The following ALG1 variants were observed in gnomAD, a reference collection of about 807,000 sequenced individuals.
ALG1 encodes the protein ALG1 chitobiosyldiphosphodolichol beta-mannosyltransferase.
Under a neutral mutation model 55.1 loss-of-function variants are expected in ALG1, and 58 were observed. The observed-to-expected ratio is 1.05, with a 90% confidence interval of 0.85 to 1.31. The LOEUF is 1.31. Among genes scored for constraint, ALG1 ranks in the 50% most tolerant of loss-of-function variants. The pLI is 0.00. For synonymous variants in ALG1, 309 were observed against 247.0 expected (o/e 1.25, Z -2.35); for missense variants, 761 against 598.6 (o/e 1.27, Z -2.83).
chr16:5,083,192 A>G, intron 11 of ALG1, among the ~76,000 whole-genome samples: 1 of 152,158 alleles, frequency 6.6e-6, no homozygotes, highest in East Asian at 1.9e-4. Flanking sequence ...TTCTAGAAGC[A>G]GTAGCCCCAG....
At chr16:5,073,104 A>G in intron 2 of ALG1, 49 bp from the exon 3 acceptor site, 3 of 1,612,418 alleles carry the variant, frequency 1.9e-6, no homozygotes, top group Admixed American at 1.7e-5. Flanking sequence ...AAAGCCGTGC[A>G]GATTGCCAGA....
chr16:5,077,362 C>T, intron 4 of ALG1, 83 bp from the exon 5 acceptor site: 2 of 1,252,256 alleles, frequency 1.6e-6, no homozygotes, highest in South Asian at 2.4e-5. Flanking sequence ...GCGGCCTTTT[C>T]TCTGTTGAGG....
At chr16:5,072,354 G>A (rs570009925) in intron 1 of ALG1, 1 of 1,051,374 alleles carries the variant, frequency 9.5e-7, no homozygotes, top group Non-Finnish European at 1.3e-6. Context: ...TGGTAGCTAC[G>A]TCCCTGTGCA....
rs900376931 is a variant in ALG1, at chr16:5,077,640, A to G, written c.629+106A>G. Reference sequence around the variant, plus strand: ...GCCGTCCTGCTGAGGGGCAATTTGAAATACTGAGGGCCTGGGAGGTGGTCT... The same window carrying G: ...GCCGTCCTGCTGAGGGGCAATTTGAGATACTGAGGGCCTGGGAGGTGGTCT... On this transcript the variant is annotated intron_variant, in intron 5 of 12. Coordinates refer to ENST00000262374, the MANE Select transcript of ALG1 (RefSeq NM_019109.5). 8 of 1,225,814 alleles carry G rather than the reference A, an allele frequency of 6.5e-6. No individual in the cohort carries two copies. In the Admixed American group the frequency reaches 1.4e-4, roughly 21 times the overall value. 75.9% of individuals were successfully genotyped at this position (1,225,814 alleles called of 1,614,324 possible).
At chr16:5,072,229 T>G (rs2142699525) in intron 1 of ALG1, 172 bp downstream of exon 1, 1 of 1,513,834 alleles carries the variant, frequency 6.6e-7, no homozygotes, top group Non-Finnish European at 8.8e-7. Flanking sequence ...TCTCTAGGTA[T>G]AGCCGGCGTT....
rs529796262 is a variant in ALG1, at chr16:5,085,619, T to C, written c.*738T>C. On this transcript the variant is annotated 3_prime_UTR_variant, in exon 13 of 13. Coordinates refer to ENST00000262374, the MANE Select transcript of ALG1 (RefSeq NM_019109.5). The stretch of plus-strand genomic sequence containing the variant: ...CTTGATTCTCACAATCCCGTTGGAG[T>C]CGTGTGTGAGTCCTACAGGGTGAGA... 3.9e-6 allele frequency: 6 copies of C among 1,554,512 alleles called. No individual in the cohort carries two copies. The South Asian group carries it at 6.7e-5, about 17-fold the overall frequency.
intron 8 of ALG1, 86 bp from the exon 9 acceptor site, chr16:5,079,662 C>T (rs924911791): frequency 6.8e-6 from 10 of 1,473,960 alleles, no homozygotes; most frequent in Non-Finnish European, 8.5e-6. Flanking sequence ...GCATTCCAGC[C>T]TGGGTGACAG....
chr16:5,080,360 C>T (rs139818516), intron 9 of ALG1, among the ~76,000 whole-genome samples: 3,007 of 152,230 alleles, frequency 0.02, 111 homozygotes, highest in African/African-American at 0.068. Flanking sequence ...TCACTGTGCC[C>T]GGCCATGTCA....
At chr16:5,075,302 C>A in intron 3 of ALG1, 86 bp from the exon 4 acceptor site, 1 of 1,397,926 alleles carries the variant, frequency 7.2e-7, no homozygotes, top group Non-Finnish European at 1.0e-6. Flanking sequence ...ACAGACTCAT[C>A]ACCATGTGTG....
Position 5,085,706 on chromosome 16 carries a change from C to G in ALG1, c.*825C>G. 1.9e-6 allele frequency: 3 copies of G among 1,611,766 alleles called. No individual in the cohort carries two copies. Among genetic ancestry groups the G allele is most frequent in the Non-Finnish European group, 2.5e-6 (3 of 1,179,712 alleles). ...AACAGTTTCTGCTCATGACGAGGTT[C>G]CACTTCCCATCTGATCCCGGCCCGG... is the stretch of plus-strand genomic sequence containing the variant. On this transcript the variant is annotated 3_prime_UTR_variant, in exon 13 of 13. Transcript: ENST00000262374.
chr16:5,082,784 G>A lies in ALG1; in HGVS notation c.1187+111G>A, dbSNP rs12596631. ...TGAGGCCCTGCCCCTCGGTCAGTCC[G>A]GCACACACTGGAGGCCATGAGGAGG... On this transcript the variant is annotated intron_variant, in intron 11 of 12. Transcript: ENST00000262374. 0.4 allele frequency: 500,427 copies of A among 1,261,192 alleles called. 101,188 individuals are homozygous for A. Among genetic ancestry groups the A allele is most frequent in the Admixed American group, 0.54 (27,738 of 51,376 alleles). 78.1% of individuals were successfully genotyped at this position (1,261,192 alleles called of 1,614,324 possible).
intron 10 of ALG1, among the ~76,000 whole-genome samples, chr16:5,081,272 C>T (rs1957014450): frequency 6.6e-6 from 1 of 152,196 alleles, no homozygotes; most frequent in African/African-American, 2.4e-5. Flanking sequence ...CACGTCCTTT[C>T]AGCCTGCCAC....
At chr16:5,073,421 C>T (rs1189785786) in intron 3 of ALG1, 165 bp downstream of exon 3, 1 of 676,834 alleles carries the variant, frequency 1.5e-6, no homozygotes, top group East Asian at 2.7e-5. Flanking sequence ...GGCACCTATC[C>T]ATGCTCTCTG....
Position 5,078,901 on chromosome 16 carries a change from T to C in ALG1, c.862+23T>C, listed in dbSNP as rs2110338. The C allele has an allele frequency of 0.36, 581,178 of 1,609,168 alleles. 108,067 individuals are homozygous for C. Among genetic ancestry groups the C allele is most frequent in the Admixed American group, 0.42 (24,971 of 59,602 alleles). ...CAGGTCTGCAGGACCCCTGGGGCAC[T>C]TGGGGTTGGTGTGACGGGCACCTGG... On this transcript the variant is annotated intron_variant, in intron 7 of 12. Coordinates refer to ENST00000262374, the MANE Select transcript of ALG1 (RefSeq NM_019109.5).
intron 9 of ALG1, among the ~76,000 whole-genome samples, chr16:5,080,412 G>C (rs889273133): frequency 1.3e-4 from 20 of 152,286 alleles, no homozygotes; most frequent in African/African-American, 4.8e-4. Flanking sequence ...AAACGGAAGA[G>C]CCCCTGTCCC....
At position 5,083,675 on chromosome 16, in the gene ALG1, T is replaced by G. The variant is rs1331746330; in HGVS notation, c.1188-7T>G. 1.2e-6 allele frequency: 2 copies of G among 1,600,770 alleles called. No homozygotes were observed. The highest frequency in any genetic ancestry group is 1.7e-6 in the Non-Finnish European group (2 of 1,179,800). On this transcript the variant is annotated splice_polypyrimidine_tract_variant and splice_region_variant and intron_variant, in intron 11 of 12. Coordinates refer to ENST00000262374, the MANE Select transcript of ALG1 (RefSeq NM_019109.5). ...CAGCTCTCAGGCTCCCTTGGTTCTC[T>G]CTGCAGTTTACATGAGCTGGTGAAA...
intron 11 of ALG1, among the ~76,000 whole-genome samples, 161 bp from the exon 12 acceptor site, chr16:5,083,521 T>C (rs1957053796): frequency 6.6e-6 from 1 of 152,086 alleles, no homozygotes; most frequent in South Asian, 2.1e-4. Flanking sequence ...CTTTATACCC[T>C]TCAGATGCCA....
rs766124639 is a variant in ALG1 at position 5,072,973 on chromosome 16, C to G, written c.231C>G (p.Leu77=). Residue 77 remains leucine (L), a synonymous_variant, in exon 2 of 13, where the codon CTC becomes CTG. Transcript: ENST00000262374. The stretch of plus-strand genomic sequence containing the variant: ...CAGACTCCAAACCCCATGATGAGCT[C>G]TTGCAGAACAACAGAATTCAGATTG... ...GFCNSKPHDE[L]LQNNRIQIVG... is the part of the protein sequence containing the mutation. The G allele has an allele frequency of 1.2e-6, 2 of 1,614,166 alleles. No individual in the cohort carries two copies. The highest frequency in any genetic ancestry group is 8.5e-7 in the Non-Finnish European group (1 of 1,180,026).
At chr16:5,072,369 C>A in intron 1 of ALG1, 1 of 823,894 alleles carries the variant, frequency 1.2e-6, no homozygotes, top group Non-Finnish European at 1.8e-6. Flanking sequence ...TGTGCAGCTA[C>A]CCTTGTCAGG....
Sources: allele counts gnomAD v4.1 joint callset (sites outside exome capture counted in the v4.1 genomes callset), GRCh38; gene constraint gnomAD v4.1.1; transcripts MANE v1.5; gene names NCBI Gene and HGNC (gene_info 2026-07-23, HGNC 2026-07-21).